The following DSCAM variants were observed in gnomAD, a reference collection of about 807,000 sequenced individuals.
DSCAM encodes cell adhesion molecule DSCAM.
DSCAM carries 47 observed loss-of-function variants against 217.7 expected under a neutral mutation model. The observed-to-expected ratio is 0.22, with a 90% CI of 0.17 to 0.28. The LOEUF is 0.28. Ranked by LOEUF, DSCAM falls within the 10% of genes least tolerant of loss-of-function variation. DSCAM has a pLI of 1.00. For missense variants in DSCAM, 2,080 were observed against 2,618.3 expected, an observed-to-expected ratio of 0.79 and a Z score of 4.49; for synonymous variants, 1,056 against 1,015.3, an observed-to-expected ratio of 1.04 and a Z score of -0.76.
intron 10 of DSCAM, among the ~76,000 whole-genome samples, chr21:40,295,455 A>G (rs2073943624): frequency 6.6e-6 from 1 of 152,168 alleles, no homozygotes; most frequent in Admixed American, 6.5e-5. Flanking sequence ...CCCAGGAGCT[A>G]CTGTTCTGCA....
chr21:40,673,778 T>G (rs4818158), intron 3 of DSCAM, among the ~76,000 whole-genome samples: 124,699 of 152,048 alleles, frequency 0.82, 52,478 homozygotes, highest in East Asian at 1. Flanking sequence ...GTTTTTACCA[T>G]GTGAACTTTC....
chr21:40,178,077 T>A (rs1246834884), intron 15 of DSCAM, among the ~76,000 whole-genome samples: 1 of 152,204 alleles, frequency 6.6e-6, no homozygotes, highest in East Asian at 1.9e-4. Context: ...CATGCAATCC[T>A]TGTGGATGAA....
intron 3 of DSCAM, among the ~76,000 whole-genome samples, chr21:40,449,104 G>A (rs1045554378): frequency 6.6e-6 from 1 of 151,978 alleles, no homozygotes; most frequent in African/African-American, 2.4e-5. Flanking sequence ...GACTCTCTCC[G>A]GCCATCTTCT....
intron 9 of DSCAM, among the ~76,000 whole-genome samples, chr21:40,308,712 C>T (rs574651654): frequency 1.3e-5 from 2 of 152,260 alleles, no homozygotes; most frequent in East Asian, 3.9e-4. Context: ...TGACTTCATG[C>T]ACTTTGTTTT....
intron 3 of DSCAM, among the ~76,000 whole-genome samples, chr21:40,377,314 G>A (rs1200923422): frequency 6.6e-6 from 1 of 152,096 alleles, no homozygotes; most frequent in Non-Finnish European, 1.5e-5. Context: ...GCTGGCTCAT[G>A]CCCTCACGCA....
chr21:40,690,407 C>A (rs1022309278), intron 3 of DSCAM, among the ~76,000 whole-genome samples: 2 of 152,242 alleles, frequency 1.3e-5, no homozygotes, highest in African/African-American at 4.8e-5. Context: ...CTCTCTCTCC[C>A]TTTCTTTCAG....
intron 5 of DSCAM, among the ~76,000 whole-genome samples, chr21:40,352,802 T>C (rs1030851343): frequency 6.6e-6 from 1 of 152,170 alleles, no homozygotes; most frequent in Non-Finnish European, 1.5e-5. Flanking sequence ...TTGAGGGTGG[T>C]TGAGTAGATT....
At chr21:40,796,210 T>C (rs1235940685) in intron 1 of DSCAM, among the ~76,000 whole-genome samples, 1 of 152,178 alleles carries the variant, frequency 6.6e-6, no homozygotes, top group East Asian at 1.9e-4. Flanking sequence ...TTCATTGACA[T>C]CAGGCTTGGC....
intron 3 of DSCAM, among the ~76,000 whole-genome samples, chr21:40,512,018 A>G (rs1039211648): frequency 1.3e-4 from 19 of 145,396 alleles, no homozygotes; most frequent in Non-Finnish European, 2.4e-4. Context: ...AAAGTATTCT[A>G]TTTGAGGTCT....
intron 3 of DSCAM, among the ~76,000 whole-genome samples, chr21:40,399,306 CAA>C (rs1053848174): frequency 2.7e-5 from 4 of 150,680 alleles, no homozygotes; most frequent in African/African-American, 9.9e-5. Context: ...CAAAACAAAA[CAA>C]AACATAGGAG....
chr21:40,286,412 G>A (rs373005078), intron 10 of DSCAM, among the ~76,000 whole-genome samples: 23 of 152,128 alleles, frequency 1.5e-4, no homozygotes, highest in African/African-American at 2.2e-4. Flanking sequence ...CGAGGCTGGC[G>A]CAGAGTGAAA....
At chr21:40,353,963 T>G (rs771393689) in intron 4 of DSCAM, among the ~76,000 whole-genome samples, 15 of 152,228 alleles carry the variant, frequency 9.9e-5, no homozygotes, top group Admixed American at 2.6e-4. Context: ...AGAGCTTCTG[T>G]TGGTCATTCC....
intron 2 of DSCAM, among the ~76,000 whole-genome samples, chr21:40,698,869 T>TAAAAAAA (rs56775350): frequency 9.3e-6 from 1 of 107,968 alleles, no homozygotes; most frequent in Non-Finnish European, 1.8e-5. Context: ...GAATCCGTCT[T>TAAAAAAA]AAAAAAAAAA....
At chr21:40,546,859 T>G (rs754480778) in intron 3 of DSCAM, among the ~76,000 whole-genome samples, 47 of 152,216 alleles carry the variant, frequency 3.1e-4, no homozygotes, top group Middle Eastern at 3.4e-3. Context: ...CGTCTTACAC[T>G]TCCCCTTTTC....
At chr21:40,285,264 C>A (rs1026598406) in intron 10 of DSCAM, among the ~76,000 whole-genome samples, 1 of 152,206 alleles carries the variant, frequency 6.6e-6, no homozygotes, top group Non-Finnish European at 1.5e-5. Context: ...CTCCAGCCAC[C>A]GTTTCCCTGG....
intron 3 of DSCAM, among the ~76,000 whole-genome samples, chr21:40,538,341 G>A (rs955518067): frequency 2.0e-5 from 3 of 152,134 alleles, no homozygotes; most frequent in African/African-American, 7.2e-5. Context: ...AGCTAAGCAG[G>A]CCCATCACGC....
At chr21:40,767,672 A>T (rs377249522) in intron 1 of DSCAM, among the ~76,000 whole-genome samples, 1 of 152,210 alleles carries the variant, frequency 6.6e-6, no homozygotes, top group Non-Finnish European at 1.5e-5. Flanking sequence ...GCAGCTCCCA[A>T]TTGAATGCCA....
At chr21:40,820,735 G>A (rs1303677355) in intron 1 of DSCAM, among the ~76,000 whole-genome samples, 1 of 152,104 alleles carries the variant, frequency 6.6e-6, no homozygotes, top group Non-Finnish European at 1.5e-5. Context: ...AAAATCAAGA[G>A]TGAGTGAATT....
intron 1 of DSCAM, 61 bp downstream of exon 1, chr21:40,846,558 C>G (rs1311237750): frequency 5.5e-6 from 1 of 183,090 alleles, no homozygotes; most frequent in African/African-American, 3.7e-5. Context: ...CCACCCCCCA[C>G]CCCCCCGCCC....
Sources: allele counts gnomAD v4.1 joint callset (sites outside exome capture counted in the v4.1 genomes callset), GRCh38; gene constraint gnomAD v4.1.1; transcripts MANE v1.5; gene names NCBI Gene and HGNC (gene_info 2026-07-23, HGNC 2026-07-21).